The following DDHD2 variants were observed in gnomAD, a reference collection of about 807,000 sequenced individuals.
DDHD2 encodes the protein DDHD domain containing 2.
A neutral mutation model predicts 91.2 loss-of-function variants in DDHD2; 62 were observed. That is an observed-to-expected ratio of 0.68 (90% CI 0.55 to 0.84). The LOEUF is 0.84. DDHD2 is among the 40% of genes least tolerant of loss of function. The pLI, the probability that DDHD2 is intolerant of heterozygous loss-of-function variation, is 0.00. For synonymous variants in DDHD2, 271 were observed against 293.9 expected (o/e 0.92, Z 0.80); for missense variants, 740 against 846.9 (o/e 0.87, Z 1.57).
chr8:38,265,003 TCA>T, downstream of DDHD2: 1 of 1,250,548 alleles, frequency 8.0e-7, no homozygotes, highest in South Asian at 1.2e-5. Context: ...GCACGGTGAC[TCA>T]CGCCTGTAAT....
chr8:38,264,470 C>T, downstream of DDHD2: 2 of 1,550,732 alleles, frequency 1.3e-6, no homozygotes, highest in East Asian at 4.9e-5. Context: ...TAAGAATCCC[C>T]AGGCTTCTGT....
At chr8:38,239,641 C>T (rs1474024330) in intron 5 of DDHD2, among the ~76,000 whole-genome samples, 2 of 138,150 alleles carry the variant, frequency 1.4e-5, no homozygotes, top group Admixed American at 7.4e-5. Flanking sequence ...GAGCCAAGAT[C>T]GTGCCACTGC....
At chr8:38,238,964 G>A (rs1229712183) in intron 5 of DDHD2, 1 of 152,380 alleles carries the variant, frequency 6.6e-6, no homozygotes, top group East Asian at 1.9e-4. Context: ...CACACACAGA[G>A]AATCATAAAG....
Position 38,269,206 on chromosome 8 carries a change from G to C in DDHD2, n.88-1916G>C, listed in dbSNP as rs781738657. ...CCGCCGCCGCCTTCCCCATCCGGCCGCGAGCTCCGAGCGACGCTGCGCTGA... is the reference window on the plus strand; with the variant it reads ...CCGCCGCCGCCTTCCCCATCCGGCCCCGAGCTCCGAGCGACGCTGCGCTGA... On this transcript the variant is annotated intron_variant and non_coding_transcript_variant, in intron 1 of 1. Transcript: ENST00000526071. 2,887 of 1,497,404 alleles carry C rather than the reference G, an allele frequency of 1.9e-3. 13 individuals are homozygous for C. The highest frequency in any genetic ancestry group is 1.8e-3 in the Non-Finnish European group (2,033 of 1,131,280). 92.8% of individuals were successfully genotyped at this position (1,497,404 alleles called of 1,614,324 possible). A position where few individuals can be genotyped will look rare whatever the true frequency, so the allele number is the denominator to read the frequency against.
chr8:38,237,922 A>G lies in DDHD2; in HGVS notation c.502-167A>G, dbSNP rs1157371767. On this transcript the variant is annotated intron_variant, in intron 4 of 17. Transcript: ENST00000397166. ...GGACTATTGACAGATCTGTTAGCCT[A>G]ATATATTTTCACGGTTCTCATTTCA... Among the ~76,000 whole-genome samples the G allele has an allele frequency of 3.9e-5, 6 of 152,226 alleles. No individual in the cohort carries two copies. The South Asian group carries it at 8.3e-4, about 21-fold the overall frequency.
intron 9 of DDHD2, 63 bp downstream of exon 9, chr8:38,246,363 G>A: frequency 7.5e-7 from 1 of 1,341,824 alleles, no homozygotes; most frequent in East Asian, 2.3e-5. Flanking sequence ...ATAGATTTTA[G>A]ACTTATTTTT....
In DDHD2 at chr8:38,252,970, C is replaced by T; in HGVS notation, c.1734C>T (p.Gly578=). The change falls in exon 15 of 18, where the codon GGC becomes GGT. Residue 578 remains glycine (G), a synonymous_variant. Coordinates refer to ENST00000397166, the MANE Select transcript of DDHD2 (RefSeq NM_015214.3). ...RKRMHLELRE[G]LTRMSMDLKN... ...TATATGTTTCAGAACTGAGAGAGGGCTTGACCAGGATGAGTATGGACCTTA... is the reference window on the plus strand; with the variant it reads ...TATATGTTTCAGAACTGAGAGAGGGTTTGACCAGGATGAGTATGGACCTTA... The T allele has an allele frequency of 6.2e-7, 1 of 1,613,970 alleles. No individual in the cohort carries two copies. The highest frequency in any genetic ancestry group is 1.1e-5 in the South Asian group (1 of 91,050).
In DDHD2 at chr8:38,234,565, G is replaced by A. The variant is rs1804553272; in HGVS notation, c.392G>A (p.Ser131Asn). ...KDNKYVPYSE[S>N]FSQVLEETYM... ...AATAAGTATGTTCCCTACTCGGAGAGCTTCAGCCAAGTTTTAGAGGTATTC... is the reference window on the plus strand; with the variant it reads ...AATAAGTATGTTCCCTACTCGGAGAACTTCAGCCAAGTTTTAGAGGTATTC... The change falls in exon 3 of 18, where the codon AGC (serine) becomes AAC (asparagine). Residue 131 changes from serine to asparagine, a missense_variant. Coordinates refer to ENST00000397166, the MANE Select transcript of DDHD2 (RefSeq NM_015214.3). The A allele has an allele frequency of 2.5e-6, 4 of 1,608,266 alleles. No individual in the cohort carries two copies. The East Asian group carries it at 6.7e-5, about 27-fold the overall frequency.
intron 6 of DDHD2, among the ~76,000 whole-genome samples, chr8:38,241,792 A>G (rs1378700155): frequency 6.9e-6 from 1 of 145,960 alleles, no homozygotes; most frequent in Non-Finnish European, 1.5e-5. Context: ...GGTGGCTCAC[A>G]CCTGTAATCC....
In DDHD2 at chr8:38,253,637, G is replaced by A. The variant is rs763476356; in HGVS notation, c.1973G>A (p.Arg658His). ...GTGGGGATGCTGAATGGAGGCCAAC[G>A]CATTGACTATGTGCTACAGGAGAAG... ...INVGMLNGGQ[R>H]IDYVLQEKPI... Residue 658 changes from arginine to histidine, a missense_variant, in exon 16 of 18, where the codon CGC becomes CAC. By Grantham distance (29) the Arg-to-His change is conservative. Coordinates refer to ENST00000397166, the MANE Select transcript of DDHD2 (RefSeq NM_015214.3). The A allele has an allele frequency of 1.4e-5, 23 of 1,613,720 alleles. No homozygotes were observed. The highest frequency in any genetic ancestry group is 1.0e-4 in the Admixed American group (6 of 60,012).
rs1451981974 is a variant in DDHD2, at chr8:38,262,808, C to T, written c.*2235C>T. The T allele has an allele frequency of 6.6e-6, 1 of 152,142 alleles. No homozygotes were observed. The highest frequency in any genetic ancestry group is 2.1e-4 in the South Asian group (1 of 4,830). The allele number at this position is 152,142 out of a possible 1,614,324, so 9.4% of individuals were successfully genotyped here. On this transcript the variant is annotated 3_prime_UTR_variant, in exon 18 of 18. Transcript: ENST00000397166. ...TACTTTTACCTGGACTCACCCGTCT[C>T]AAAGTCAAGAAAATCAGTACAGTCA... is the stretch of plus-strand genomic sequence containing the variant.
chr8:38,251,923 A>G lies in DDHD2; in HGVS notation c.1356A>G (p.Arg452=). The change falls in exon 12 of 18, where the codon AGA becomes AGG. Residue 452 remains arginine, a synonymous_variant. Transcript: ENST00000397166. ...TTTTTATTCTTTAGGGTATTAAGAGACCAGCCCCGCAGCCTGCTTCAGGGG... is the reference window on the plus strand; with the variant it reads ...TTTTTATTCTTTAGGGTATTAAGAGGCCAGCCCCGCAGCCTGCTTCAGGGG... The part of the protein sequence containing the change: ...STRKNSMGIK[R]PAPQPASGAN... 6.2e-7 allele frequency: 1 copy of G among 1,613,590 alleles called. No homozygotes were observed. The highest frequency in any genetic ancestry group is 1.3e-5 in the African/African-American group (1 of 75,020).
Position 38,249,704 on chromosome 8 carries a change from C to A in DDHD2, c.1249-4C>A. ...ATAAGAAAGACTTGATTTTCTATGCCTAGGCTTTATGTACAGACCGAGATC... is the reference window on the plus strand; with the variant it reads ...ATAAGAAAGACTTGATTTTCTATGCATAGGCTTTATGTACAGACCGAGATC... On this transcript the variant is annotated splice_polypyrimidine_tract_variant and splice_region_variant and intron_variant, in intron 10 of 17. Transcript: ENST00000397166. The A allele has an allele frequency of 6.3e-7, 1 of 1,597,038 alleles. No homozygotes were observed. Among genetic ancestry groups the A allele is most frequent in the Non-Finnish European group, 8.6e-7 (1 of 1,168,368 alleles).
At chr8:38,257,673 T>C (rs1473417349) in intron 16 of DDHD2, among the ~76,000 whole-genome samples, 1 of 149,592 alleles carries the variant, frequency 6.7e-6, no homozygotes, top group African/African-American at 2.5e-5. Context: ...TTTTTTTTTT[T>C]TTTTTTTTTG....
At position 38,242,421 on chromosome 8, in the gene DDHD2, T is replaced by C. The variant is rs202207754; in HGVS notation, c.848+36T>C. 468 of 1,595,262 alleles carry C rather than the reference T, an allele frequency of 2.9e-4. 1 individual carries two copies. In the Middle Eastern group the frequency reaches 3.2e-3, roughly 11 times the overall value. On this transcript the variant is annotated intron_variant, in intron 7 of 17. Coordinates refer to ENST00000397166, the MANE Select transcript of DDHD2 (RefSeq NM_015214.3). Reference sequence around the variant, plus strand: ...CTTAATACCTTCGAGTTGTTAGCTGTGATTATATTTTCTGATCATTGCTAT... The same window carrying C: ...CTTAATACCTTCGAGTTGTTAGCTGCGATTATATTTTCTGATCATTGCTAT...
At chr8:38,235,286 T>C (rs1056376330) in intron 3 of DDHD2, among the ~76,000 whole-genome samples, 5 of 152,044 alleles carry the variant, frequency 3.3e-5, no homozygotes, top group African/African-American at 1.2e-4. Context: ...TTGGCTAGGC[T>C]TGTCTCGAAC....
chr8:38,247,464 C>A, intron 9 of DDHD2: 1 of 231,926 alleles, frequency 4.3e-6, no homozygotes, highest in Non-Finnish European at 8.3e-6. Context: ...ATTTCTTAAG[C>A]ACTGAGCTCC....
intron 15 of DDHD2, 160 bp downstream of exon 15, chr8:38,253,287 T>G (rs1185882203): frequency 4.6e-6 from 4 of 863,530 alleles, no homozygotes; most frequent in Non-Finnish European, 5.2e-6. Flanking sequence ...TATTCCTGCT[T>G]GCATTTAGTA....
At chr8:38,246,114 AAG>A (rs1805614385) in intron 8 of DDHD2, 117 bp from the exon 9 acceptor site, 2 of 1,096,752 alleles carry the variant, frequency 1.8e-6, no homozygotes, top group Middle Eastern at 2.8e-4. Flanking sequence ...ATTGGAAAGA[AAG>A]ACTCCTTGCT....
Sources: allele counts gnomAD v4.1 joint callset (sites outside exome capture counted in the v4.1 genomes callset), GRCh38; gene constraint gnomAD v4.1.1; transcripts MANE v1.5; gene names NCBI Gene and HGNC (gene_info 2026-07-23, HGNC 2026-07-21).